Variants in ARID4A observed in about 807,000 individuals in gnomAD.
The protein encoded by ARID4A is AT-rich interaction domain 4A.
In ARID4A, 39 loss-of-function variants were observed where a neutral mutation model predicts 148.6. The observed-to-expected ratio is 0.26, with a 90% CI of 0.20 to 0.34. ARID4A has a LOEUF of 0.34. Among genes scored for constraint, ARID4A ranks in the 10% least tolerant of loss-of-function variants. The pLI, the probability that ARID4A is intolerant of heterozygous loss-of-function variation, is 1.00. For missense variants in ARID4A, 1,265 were observed against 1,449.1 expected (o/e 0.87, Z 2.06); for synonymous variants, 475 against 481.2 (o/e 0.99, Z 0.17).
intron 17 of ARID4A, 23 bp from the exon 18 acceptor site, chr14:58,359,105 CTCTT>C (rs1413470980): frequency 1.1e-5 from 14 of 1,290,988 alleles, no homozygotes; most frequent in South Asian, 2.7e-5. Flanking sequence ...TTTGTACAAA[CTCTT>C]TTTTTTTTTT....
intron 15 of ARID4A, 30 bp downstream of exon 15, chr14:58,347,908 TTAAGTA>T: frequency 6.8e-7 from 1 of 1,475,884 alleles, no homozygotes; most frequent in South Asian, 1.3e-5. Flanking sequence ...TTTATCTGGT[TTAAGTA>T]TTATTTAAAA....
Position 58,347,727 on chromosome 14 carries a change from A to G in ARID4A, c.1253A>G (p.Lys418Arg). ...RTVHHHEPKV[K>R]EEKKDLEESM... ...GTTCATCACCATGAACCAAAAGTAAAAGAGGAAAAAAAAGACTTAGAAGAA... is the reference window on the plus strand; with the variant it reads ...GTTCATCACCATGAACCAAAAGTAAGAGAGGAAAAAAAAGACTTAGAAGAA... Residue 418 changes from lysine to arginine, a missense_variant, in exon 15 of 24, where the codon AAA becomes AGA. Physicochemically the swap from Lys to Arg is conservative, Grantham distance 26. Transcript: ENST00000355431. 1 of 1,614,010 alleles carries G rather than the reference A, an allele frequency of 6.2e-7. No homozygotes were observed. The highest frequency in any genetic ancestry group is 8.5e-7 in the Non-Finnish European group (1 of 1,179,924).
rs996287201 is a variant in ARID4A at position 58,354,698 on chromosome 14, A to AG, written c.1853+843_1853+844insG. 5.9e-5 allele frequency among the ~76,000 whole-genome samples: 9 copies of AG among 151,880 alleles called. No individual in the cohort carries two copies. The East Asian group carries it at 9.7e-4, about 16-fold the overall frequency. On this transcript the variant is annotated intron_variant, in intron 17 of 23. Transcript: ENST00000355431. Reference sequence around the variant, plus strand: ...ACCCTGTCTCATAAATAAAAAAAAAAAAAAAGAAAAAAGAGATTTTGCTCC... The same window carrying AG: ...ACCCTGTCTCATAAATAAAAAAAAAAGAAAAAGAAAAAAGAGATTTTGCTCC...
At chr14:58,345,135 TC>T (rs1320332086) in intron 12 of ARID4A, among the ~76,000 whole-genome samples, 2 of 152,190 alleles carry the variant, frequency 1.3e-5, no homozygotes, top group African/African-American at 2.4e-5. Flanking sequence ...TACCTCTGCC[TC>T]CCAAAGTGCT....
intron 23 of ARID4A, among the ~76,000 whole-genome samples, chr14:58,369,727 T>A (rs1234633572): frequency 6.6e-6 from 1 of 151,804 alleles, no homozygotes; most frequent in Non-Finnish European, 1.5e-5. Context: ...TTCTCAATGG[T>A]AGTACTAGAA....
intron 5 of ARID4A, among the ~76,000 whole-genome samples, chr14:58,317,510 T>G (rs549216012): frequency 8.9e-4 from 134 of 151,308 alleles, no homozygotes; most frequent in Non-Finnish European, 1.7e-3. Context: ...ATGGTCTCGA[T>G]TTCCTGACCT....
At chr14:58,324,199 G>C (rs182446575) in intron 8 of ARID4A, among the ~76,000 whole-genome samples, 3 of 152,182 alleles carry the variant, frequency 2.0e-5, no homozygotes, top group African/African-American at 7.2e-5. Context: ...CACCGCGCCT[G>C]GCCTTAACTT....
intron 5 of ARID4A, among the ~76,000 whole-genome samples, chr14:58,314,069 G>C (rs1056193407): frequency 1.3e-5 from 2 of 152,182 alleles, no homozygotes; most frequent in African/African-American, 4.8e-5. Context: ...TAGTAACAGA[G>C]ATACCACTTT....
intron 23 of ARID4A, among the ~76,000 whole-genome samples, chr14:58,369,100 C>A (rs971619247): frequency 6.6e-6 from 1 of 151,782 alleles, no homozygotes; most frequent in African/African-American, 2.4e-5. Flanking sequence ...GTCAAAAAGA[C>A]AATAGGAGAG....
Position 58,360,958 on chromosome 14 carries a change from C to T in ARID4A, c.1996C>T (p.Arg666Trp), listed in dbSNP as rs530045241. 4 of 1,614,052 alleles carry T rather than the reference C, an allele frequency of 2.5e-6. No individual in the cohort carries two copies. The highest frequency in any genetic ancestry group is 1.1e-5 in the South Asian group (1 of 91,078). The change falls in exon 19 of 24, where the codon CGG (arginine) becomes TGG (tryptophan). Residue 666 changes from arginine to tryptophan, a missense_variant. This residue lies in a region of ARID4A where 666 missense variants were observed against 730.9 expected (regional missense o/e 0.91). Coordinates refer to ENST00000355431, the MANE Select transcript of ARID4A (RefSeq NM_002892.4). Reference sequence around the variant, plus strand: ...AGATGAGGAGAGGCAGAAGTCAAAACGGGGACGACCTCCTTTAAAATCAAC... The same window carrying T: ...AGATGAGGAGAGGCAGAAGTCAAAATGGGGACGACCTCCTTTAAAATCAAC... ...KRDEERQKSK[R>W]GRPPLKSTLS...
intron 8 of ARID4A, among the ~76,000 whole-genome samples, 162 bp downstream of exon 8, chr14:58,323,779 G>A (rs982769196): frequency 1.3e-5 from 2 of 150,884 alleles, no homozygotes; most frequent in African/African-American, 4.9e-5. Context: ...ATACTTCACT[G>A]TCTTCTTTGG....
chr14:58,317,648 TGAGA>T (rs2032550826), intron 5 of ARID4A, among the ~76,000 whole-genome samples: 1 of 142,986 alleles, frequency 7.0e-6, no homozygotes, highest in Non-Finnish European at 1.5e-5. Context: ...TTTTTTTTTT[TGAGA>T]CAGAATCTTG....
intron 19 of ARID4A, among the ~76,000 whole-genome samples, chr14:58,362,872 T>G (rs908601908): frequency 7.2e-5 from 11 of 152,134 alleles, no homozygotes; most frequent in Non-Finnish European, 8.8e-5. Context: ...AAAAAGAAAT[T>G]TTAAATGGTT....
intron 2 of ARID4A, 42 bp from the exon 3 acceptor site, chr14:58,301,538 G>A: frequency 7.1e-7 from 1 of 1,403,902 alleles, no homozygotes; most frequent in Non-Finnish European, 1.0e-6. Flanking sequence ...GGAGTAGGGA[G>A]GCATAGTAAT....
intron 15 of ARID4A, among the ~76,000 whole-genome samples, chr14:58,348,358 G>A (rs572478700): frequency 2.6e-4 from 39 of 152,286 alleles, no homozygotes; most frequent in African/African-American, 9.1e-4. Context: ...CAGATGCCAC[G>A]CATTTAGAAT....
intron 11 of ARID4A, among the ~76,000 whole-genome samples, chr14:58,332,677 C>T (rs940420002): frequency 6.6e-6 from 1 of 152,090 alleles, no homozygotes; most frequent in Admixed American, 6.6e-5. Context: ...AAGCCATGGC[C>T]TACCTGGCTT....
chr14:58,351,371 A>G (rs1378203058), intron 16 of ARID4A, 48 bp downstream of exon 16: 2 of 1,555,252 alleles, frequency 1.3e-6, no homozygotes, highest in African/African-American at 2.8e-5. Flanking sequence ...CTGGGGTACA[A>G]CAGCGCTTTG....
chr14:58,372,515 G>C lies in ARID4A; in HGVS notation c.*526G>C, dbSNP rs1363519397. ...AAGTATATGTTCAGCAGTGTGCCCAGGATTGAAGGTGTAAATGGGACAAAA... is the reference window on the plus strand; with the variant it reads ...AAGTATATGTTCAGCAGTGTGCCCACGATTGAAGGTGTAAATGGGACAAAA... On this transcript the variant is annotated 3_prime_UTR_variant, in exon 24 of 24. Coordinates refer to ENST00000355431, the MANE Select transcript of ARID4A (RefSeq NM_002892.4). 9.1e-6 allele frequency: 2 copies of C among 218,698 alleles called. No homozygotes were observed. Among genetic ancestry groups the C allele is most frequent in the African/African-American group, 4.5e-5 (2 of 44,470 alleles). 13.5% of individuals were successfully genotyped at this position (218,698 alleles called of 1,614,324 possible).
At chr14:58,365,352 A>G (rs1335920761) in intron 20 of ARID4A, 52 bp downstream of exon 20, 1 of 1,533,652 alleles carries the variant, frequency 6.5e-7, no homozygotes, top group Admixed American at 2.1e-5. Context: ...AAAAATCAAA[A>G]CTGTTGAGTT....
Sources: allele counts gnomAD v4.1 joint callset (sites outside exome capture counted in the v4.1 genomes callset), GRCh38; gene constraint gnomAD v4.1.1; regional missense constraint gnomAD v4.1.1; transcripts MANE v1.5; gene names NCBI Gene and HGNC (gene_info 2026-07-23, HGNC 2026-07-21).